The following LRWD1 variants were observed in gnomAD, a reference collection of about 807,000 sequenced individuals.
LRWD1 encodes leucine-rich repeat and WD repeat-containing protein 1.
A neutral mutation model predicts 75.6 loss-of-function variants in LRWD1; 76 were observed. That is an observed-to-expected ratio of 1.01 (90% CI 0.84 to 1.22). The LOEUF is 1.22. Among genes scored for constraint, LRWD1 ranks in the 50% most tolerant of loss-of-function variants. The pLI, the probability that LRWD1 is intolerant of heterozygous loss-of-function variation, is 0.00. For synonymous variants in LRWD1, 487 were observed against 377.0 expected (o/e 1.29, Z -3.38); for missense variants, 917 against 862.0 (o/e 1.06, Z -0.80).
Position 102,469,800 on chromosome 7 carries a change from T to C in LRWD1, c.1360T>C (p.Cys454Arg), listed in dbSNP as rs1244950835. ...CCTGCGCCTCTGCCCTGTCGCCTCC[T>C]GCCCGGACGCCCGCCTGCTGGCCGG... ...IPLRLCPVAS[C>R]PDARLLAGCE... Residue 454 changes from cysteine (C) to arginine (R), a missense_variant, in exon 11 of 15, where the codon TGC becomes CGC. Coordinates refer to ENST00000292616, the MANE Select transcript of LRWD1 (RefSeq NM_152892.3). 2 of 1,608,676 alleles carry C rather than the reference T, an allele frequency of 1.2e-6. No homozygotes were observed. Among genetic ancestry groups the C allele is most frequent in the Admixed American group, 1.7e-5 (1 of 59,628 alleles).
chr7:102,468,139 G>C lies in LRWD1; in HGVS notation c.756G>C (p.Pro252=), dbSNP rs779467891. The change falls in exon 6 of 15, where the codon CCG becomes CCC. Residue 252 remains proline, a synonymous_variant. Coordinates refer to ENST00000292616, the MANE Select transcript of LRWD1 (RefSeq NM_152892.3). ...LSPSKRACAS[P]SAQVEGSPVA... The stretch of plus-strand genomic sequence containing the variant: ...CCAGCAAGCGGGCGTGTGCCTCCCC[G>C]TCGGCCCAGGTGGAGGGCAGCCCTG... 1 of 1,607,060 alleles carries C rather than the reference G, an allele frequency of 6.2e-7. No homozygotes were observed. Among genetic ancestry groups the C allele is most frequent in the South Asian group, 1.1e-5 (1 of 89,762 alleles).
chr7:102,466,199 A>G lies in LRWD1; in HGVS notation c.361A>G (p.Lys121Glu). 6.2e-7 allele frequency: 1 copy of G among 1,614,174 alleles called. No individual in the cohort carries two copies. Among genetic ancestry groups the G allele is most frequent in the African/African-American group, 1.3e-5 (1 of 75,058 alleles). ...KVSFLLPTLR[K>E]VNGKDASSTY... ...CTCCTTTCTCCTGCCCACGCTCCGTAAGGTCAATGGCAAGGATGCGTCCTC... is the reference window on the plus strand; with the variant it reads ...CTCCTTTCTCCTGCCCACGCTCCGTGAGGTCAATGGCAAGGATGCGTCCTC... Residue 121 changes from lysine to glutamate, a missense_variant, in exon 3 of 15, where the codon AAG becomes GAG. Transcript: ENST00000292616.
In LRWD1 at chr7:102,469,861, T is replaced by C. The variant is rs1262799064; in HGVS notation, c.1421T>C (p.Leu474Pro). 2 of 1,586,554 alleles carry C rather than the reference T, an allele frequency of 1.3e-6. No individual in the cohort carries two copies. Among genetic ancestry groups the C allele is most frequent in the Non-Finnish European group, 1.7e-6 (2 of 1,168,046 alleles). ...GGCTGCTGCTGCTGGGACGTGCGGCTGGACCAGCCCCAAAAGAGGAGGTGA... is the reference window on the plus strand; with the variant it reads ...GGCTGCTGCTGCTGGGACGTGCGGCCGGACCAGCCCCAAAAGAGGAGGTGA... Reference protein sequence around the residue: ...EGGCCCWDVRLDQPQKRRVCE... With the variant: ...EGGCCCWDVRPDQPQKRRVCE... Residue 474 changes from leucine (L) to proline (P), a missense_variant, in exon 11 of 15, where the codon CTG (leucine) becomes CCG (proline). Physicochemically the swap from Leu to Pro is moderately conservative, Grantham distance 98 (BLOSUM62 -3). Transcript: ENST00000292616.
intron 3 of LRWD1, among the ~76,000 whole-genome samples, chr7:102,466,926 G>A (rs1272545971): frequency 6.6e-6 from 1 of 151,468 alleles, no homozygotes; most frequent in Non-Finnish European, 1.5e-5. Context: ...GGCTTTAGGC[G>A]CATGCCACCA....
rs1563655377 is a variant in LRWD1, at chr7:102,468,328, C to T, written c.870C>T (p.Asp290=). The T allele has an allele frequency of 6.2e-7, 1 of 1,612,628 alleles. No individual in the cohort carries two copies. The highest frequency in any genetic ancestry group is 8.5e-7 in the Non-Finnish European group (1 of 1,179,574). The change falls in exon 7 of 15, where the codon GAC becomes GAT. Residue 290 remains aspartate (D), a synonymous_variant. Transcript: ENST00000292616. ...QCHSKNNSPQ[D]LETQLWACAF... ...ACAGCAAGAACAACAGCCCCCAGGA[C>T]CTCGAGACCCAGCTGTGGGCCTGTG... is the stretch of plus-strand genomic sequence containing the variant.
At chr7:102,469,182 G>C in intron 9 of LRWD1, 120 bp downstream of exon 9, 1 of 843,982 alleles carries the variant, frequency 1.2e-6, no homozygotes, top group African/African-American at 1.7e-5. Context: ...GCCCCAGTCT[G>C]CACCGCTCCG....
intron 9 of LRWD1, among the ~76,000 whole-genome samples, 187 bp from the exon 10 acceptor site, chr7:102,469,387 C>T (rs562115783): frequency 1.7e-4 from 26 of 151,846 alleles, no homozygotes; most frequent in African/African-American, 5.1e-4. Flanking sequence ...CTGGAGCCAC[C>T]GCATCAGGTT....
chr7:102,470,002 C>T, intron 11 of LRWD1, 120 bp downstream of exon 11: 2 of 1,238,616 alleles, frequency 1.6e-6, no homozygotes, highest in Non-Finnish European at 2.1e-6. Flanking sequence ...TTTTAGAGGC[C>T]TCTTCGCAGA....
Position 102,465,133 on chromosome 7 carries a change from A to G in LRWD1, c.53A>G (p.Asp18Gly). ...LLMQRGRPKS[D>G]RLGKIRSLDL... Reference sequence around the variant, plus strand: ...ATGCAGCGCGGGCGCCCCAAGAGCGACCGGCTGGGGAAGATCCGGAGTCTG... The same window carrying G: ...ATGCAGCGCGGGCGCCCCAAGAGCGGCCGGCTGGGGAAGATCCGGAGTCTG... Residue 18 changes from aspartate to glycine, a missense_variant, in exon 1 of 15, where the codon GAC becomes GGC. Asp to Gly is a moderately conservative substitution (Grantham distance 94). Coordinates refer to ENST00000292616, the MANE Select transcript of LRWD1 (RefSeq NM_152892.3). 6.6e-7 allele frequency: 1 copy of G among 1,519,420 alleles called. No homozygotes were observed. Among genetic ancestry groups the G allele is most frequent in the Non-Finnish European group, 8.8e-7 (1 of 1,138,232 alleles). 94.1% of individuals were successfully genotyped at this position (1,519,420 alleles called of 1,614,324 possible). A position where few individuals can be genotyped will look rare whatever the true frequency, so the allele number is the denominator to read the frequency against.
chr7:102,468,091 C>T lies in LRWD1; in HGVS notation c.708C>T (p.Asp236=), dbSNP rs575247173. 19 of 1,609,400 alleles carry T rather than the reference C, an allele frequency of 1.2e-5. No individual in the cohort carries two copies. The highest frequency in any genetic ancestry group is 6.7e-5 in the East Asian group (3 of 44,840). ...RARLAALKRP[D]DVPLSLSPSK... is the part of the protein sequence containing the mutation. ...GACTGGCGGCCTTGAAACGGCCAGA[C>T]GACGTCCCACTCAGCCTCTCTCCCA... The change falls in exon 6 of 15, where the codon GAC becomes GAT. Residue 236 remains aspartate (D), a synonymous_variant. Transcript: ENST00000292616.
In LRWD1 at chr7:102,472,258, G is replaced by C. The variant is rs113220559; in HGVS notation, c.1483G>C (p.Ala495Pro). ...VEFVFSEGSEASGRRVDGLAF... is the reference protein window; with the variant it reads ...VEFVFSEGSEPSGRRVDGLAF... ...ATTCGTCTTCTCTGAGGGCTCCGAG[G>C]CATCTGGACGGAGAGTGGATGGGCT... The change falls in exon 12 of 15, where the codon GCA becomes CCA. Residue 495 changes from alanine to proline, a missense_variant. Physicochemically the swap from Ala to Pro is conservative, Grantham distance 27. Coordinates refer to ENST00000292616, the MANE Select transcript of LRWD1 (RefSeq NM_152892.3). 4.4e-6 allele frequency: 7 copies of C among 1,596,244 alleles called. No individual in the cohort carries two copies. In the African/African-American group the frequency reaches 9.4e-5, roughly 21 times the overall value.
chr7:102,468,889 T>C lies in LRWD1; in HGVS notation c.1055T>C (p.Val352Ala). The C allele has an allele frequency of 6.2e-7, 1 of 1,612,586 alleles. No homozygotes were observed. Residue 352 changes from valine to alanine, a missense_variant, in exon 9 of 15, where the codon GTG (valine) becomes GCG (alanine). Transcript: ENST00000292616. ...FFSVAWTALMVVTQAGHKKRW... is the reference protein window; with the variant it reads ...FFSVAWTALMAVTQAGHKKRW... ...TCTGTGGCCTGGACCGCTCTGATGG[T>C]GGTCACACAGGCTGGCCACAAGAAG...
chr7:102,467,616 C>T (rs769501135), intron 4 of LRWD1, 103 bp from the exon 5 acceptor site: 7 of 1,502,762 alleles, frequency 4.7e-6, no homozygotes, highest in Admixed American at 2.0e-5. Flanking sequence ...CTGGAGAGGC[C>T]CTTCCCCAAC....
chr7:102,468,520 C>T (rs1375135525), intron 7 of LRWD1, 34 bp from the exon 8 acceptor site: 2 of 1,552,992 alleles, frequency 1.3e-6, no homozygotes, highest in Non-Finnish European at 1.7e-6. Flanking sequence ...GGAAATGTCT[C>T]TGCTCATCCG....
intron 3 of LRWD1, 96 bp downstream of exon 3, chr7:102,466,366 T>A: frequency 1.0e-6 from 1 of 963,694 alleles, no homozygotes; most frequent in Non-Finnish European, 1.6e-6. Context: ...GGAGGGTGAC[T>A]GATAGAGGCT....
chr7:102,472,779 CGGCAGCCCTGCA>C lies in LRWD1; in HGVS notation c.1782_1793del (p.Ala595_Ala598del). The C allele has an allele frequency of 1.2e-6, 2 of 1,613,388 alleles. No individual in the cohort carries two copies. Among genetic ancestry groups the C allele is most frequent in the Non-Finnish European group, 1.7e-6 (2 of 1,179,916 alleles). ...ATCCTGAAGCAGCCACCCCTGCTGC[CGGCAGCCCTGCA>C]GGCCCCCACACAGGTACTGCCCGGC... is the stretch of plus-strand genomic sequence containing the variant. On this transcript the variant is annotated inframe_deletion, in exon 14 of 15. Coordinates refer to ENST00000292616, the MANE Select transcript of LRWD1 (RefSeq NM_152892.3).
At chr7:102,466,361 G>T in intron 3 of LRWD1, 91 bp downstream of exon 3, 1 of 1,031,918 alleles carries the variant, frequency 9.7e-7, no homozygotes, top group Non-Finnish European at 1.5e-6. Context: ...GTTGAGGAGG[G>T]TGACTGATAG....
chr7:102,465,790 C>T (rs751850153), intron 1 of LRWD1, 27 bp from the exon 2 acceptor site: 2 of 1,581,644 alleles, frequency 1.3e-6, no homozygotes, highest in South Asian at 1.1e-5. Flanking sequence ...CCTGCCCGCC[C>T]CCTAAGCCTT....
intron 3 of LRWD1, among the ~76,000 whole-genome samples, chr7:102,466,711 C>A (rs1374219437): frequency 6.7e-6 from 1 of 149,822 alleles, no homozygotes; most frequent in African/African-American, 2.5e-5. Context: ...AGTCACCACA[C>A]CCGGCCTGAC....
Sources: gnomAD v4.1 joint callset for allele counts (sites outside exome capture counted in the v4.1 genomes callset) on GRCh38, gnomAD v4.1.1 for gene constraint, MANE v1.5 for transcripts, NCBI Gene and HGNC (gene_info 2026-07-23, HGNC 2026-07-21) for gene names.